The following ANO4 variants were observed in gnomAD, a reference collection of about 807,000 sequenced individuals.
ANO4 encodes anoctamin-4.
Under a neutral mutation model 141.9 loss-of-function variants are expected in ANO4, and 69 were observed. The ratio of observed to expected loss-of-function variants is 0.49; its 90% CI spans 0.40 to 0.59. The LOEUF (loss-of-function observed/expected upper bound fraction) is 0.59. ANO4 is among the 20% of genes least tolerant of loss of function. The probability of loss-of-function intolerance (pLI) is 0.00; values close to 1 mark genes in which losing one functional copy is unlikely to be tolerated. For missense variants in ANO4, 894 were observed against 1,162.2 expected, an observed-to-expected ratio of 0.77 and a Z score of 3.36; for synonymous variants, 350 against 394.3, an observed-to-expected ratio of 0.89 and a Z score of 1.33.
intron 3 of ANO4, among the ~76,000 whole-genome samples, chr12:100,784,382 T>C (rs2033800558): frequency 6.6e-6 from 1 of 152,196 alleles, no homozygotes; most frequent in Non-Finnish European, 1.5e-5. Context: ...TTCATTGATA[T>C]GGTACTCTTC....
At chr12:101,047,793 A>G (rs2047691145) in intron 13 of ANO4, among the ~76,000 whole-genome samples, 1 of 152,180 alleles carries the variant, frequency 6.6e-6, no homozygotes. Flanking sequence ...AAATATAGTG[A>G]TTACCCAAGG....
intron 2 of ANO4, among the ~76,000 whole-genome samples, chr12:100,737,121 T>C (rs1409574986): frequency 1.3e-5 from 2 of 152,148 alleles, no homozygotes; most frequent in Non-Finnish European, 2.9e-5. Flanking sequence ...GTTCCCTGGC[T>C]CAAATTGGCT....
At chr12:101,080,335 A>T (rs2049196130) in intron 15 of ANO4, among the ~76,000 whole-genome samples, 1 of 151,974 alleles carries the variant, frequency 6.6e-6, no homozygotes, top group South Asian at 2.1e-4. Context: ...TTCTCCCATG[A>T]ACATGTTTGG....
intron 2 of ANO4, among the ~76,000 whole-genome samples, chr12:100,739,071 A>C (rs1430178218): frequency 6.8e-6 from 1 of 146,286 alleles, no homozygotes; most frequent in African/African-American, 2.5e-5. Flanking sequence ...CTTTATATAT[A>C]TCTAAATCTT....
At chr12:101,046,570 T>A (rs2047639981) in intron 13 of ANO4, among the ~76,000 whole-genome samples, 1 of 152,222 alleles carries the variant, frequency 6.6e-6, no homozygotes, top group East Asian at 1.9e-4. Flanking sequence ...GTCTTTGTTT[T>A]TTGTTTTTGT....
chr12:100,725,353 T>TG (rs1210654250), intron 1 of ANO4, among the ~76,000 whole-genome samples: 2 of 133,236 alleles, frequency 1.5e-5, no homozygotes, highest in East Asian at 4.0e-4. Flanking sequence ...CTTTTTTTTT[T>TG]TTTTTTTTTT....
intron 1 of ANO4, among the ~76,000 whole-genome samples, chr12:100,797,404 T>C (rs1362039437): frequency 6.6e-6 from 1 of 151,972 alleles, no homozygotes. Flanking sequence ...CATGGTGTCA[T>C]GTTAATTCCT....
chr12:100,846,585 T>C (rs1298337140), intron 1 of ANO4, among the ~76,000 whole-genome samples: 1 of 152,142 alleles, frequency 6.6e-6, no homozygotes, highest in Non-Finnish European at 1.5e-5. Context: ...GACAGCTGAC[T>C]TTGCTCTGAC....
chr12:101,005,773 T>A (rs1261271882), intron 8 of ANO4, among the ~76,000 whole-genome samples: 1 of 152,240 alleles, frequency 6.6e-6, no homozygotes, highest in Non-Finnish European at 1.5e-5. Context: ...CTATAAATGC[T>A]GATTTTCATG....
At chr12:101,120,976 C>T (rs1442942499) in intron 26 of ANO4, among the ~76,000 whole-genome samples, 2 of 152,032 alleles carry the variant, frequency 1.3e-5, no homozygotes, top group African/African-American at 4.8e-5. Context: ...TTCATGAGCT[C>T]GTTGTAATGA....
intron 7 of ANO4, among the ~76,000 whole-genome samples, chr12:100,986,564 A>C (rs2044718592): frequency 1.3e-5 from 2 of 152,218 alleles, no homozygotes; most frequent in East Asian, 1.9e-4. Context: ...TGACACAGTA[A>C]ATTAGCCATA....
chr12:101,005,960 T>C (rs989191059), intron 8 of ANO4, among the ~76,000 whole-genome samples: 1 of 152,198 alleles, frequency 6.6e-6, no homozygotes, highest in African/African-American at 2.4e-5. Context: ...CAGATTGCTA[T>C]CCACCTCTCC....
chr12:101,082,992 G>T (rs181907223), intron 15 of ANO4, among the ~76,000 whole-genome samples: 21 of 152,234 alleles, frequency 1.4e-4, no homozygotes, highest in African/African-American at 4.8e-4. Context: ...CATTCAGGAG[G>T]CTCAGCTAAA....
At chr12:100,746,486 T>A (rs1160967913) in intron 3 of ANO4, among the ~76,000 whole-genome samples, 2 of 150,756 alleles carry the variant, frequency 1.3e-5, no homozygotes, top group African/African-American at 2.4e-5. Context: ...GAAGAAACGA[T>A]GAAATAATAA....
intron 1 of ANO4, among the ~76,000 whole-genome samples, chr12:100,884,280 G>C (rs908214387): frequency 6.6e-6 from 1 of 152,140 alleles, no homozygotes; most frequent in Non-Finnish European, 1.5e-5. Context: ...AAATTTTTAG[G>C]CTTCTCTGAA....
intron 3 of ANO4, among the ~76,000 whole-genome samples, chr12:100,741,727 G>C (rs1329757209): frequency 6.6e-6 from 1 of 152,132 alleles, no homozygotes; most frequent in African/African-American, 2.4e-5. Flanking sequence ...TCTGGGGCTT[G>C]AAAATGTTTC....
intron 3 of ANO4, among the ~76,000 whole-genome samples, chr12:100,760,804 A>C (rs887326382): frequency 6.6e-6 from 1 of 152,162 alleles, no homozygotes; most frequent in African/African-American, 2.4e-5. Flanking sequence ...AGAAATGCCA[A>C]ATACTCAAGC....
At chr12:101,127,309 T>TATC (rs1350361868) in intron 27 of ANO4, among the ~76,000 whole-genome samples, 1 of 152,236 alleles carries the variant, frequency 6.6e-6, no homozygotes, top group African/African-American at 2.4e-5. Flanking sequence ...GACTCTGGCC[T>TATC]ATCAGTCAAG....
chr12:100,811,748 A>G (rs1311147844), intron 1 of ANO4, among the ~76,000 whole-genome samples: 1 of 152,116 alleles, frequency 6.6e-6, no homozygotes, highest in Non-Finnish European at 1.5e-5. Context: ...TCCTCATTGT[A>G]ATTAGGTGGG....
Sources: allele counts gnomAD v4.1 joint callset (sites outside exome capture counted in the v4.1 genomes callset), GRCh38; gene constraint gnomAD v4.1.1; transcripts MANE v1.5; gene names NCBI Gene and HGNC (gene_info 2026-07-23, HGNC 2026-07-21).